Variants in PDE10A observed in about 807,000 individuals in gnomAD.
The protein encoded by PDE10A is phosphodiesterase 10A.
A neutral mutation model predicts 97.7 loss-of-function variants in PDE10A; 39 were observed. That is an observed-to-expected ratio of 0.40 (90% CI 0.31 to 0.52). The LOEUF (loss-of-function observed/expected upper bound fraction) is 0.52, where lower values mean the gene tolerates loss of function less well. PDE10A is among the 20% of genes least tolerant of loss of function. The pLI, the probability that PDE10A is intolerant of heterozygous loss-of-function variation, is 0.56. For missense variants in PDE10A, 731 were observed against 1,047.8 expected (o/e 0.70, Z 4.17); for synonymous variants, 371 against 376.8 (o/e 0.98, Z 0.18).
At chr6:165,458,447 C>G (rs74733836) in intron 3 of PDE10A, among the ~76,000 whole-genome samples, 1 of 152,026 alleles carries the variant, frequency 6.6e-6, no homozygotes, top group Admixed American at 6.6e-5. Flanking sequence ...GGAAGAGGGT[C>G]CTCAGCAGAC....
chr6:165,670,240 C>T (rs1393122429), intron 1 of PDE10A, among the ~76,000 whole-genome samples: 1 of 152,234 alleles, frequency 6.6e-6, no homozygotes, highest in East Asian at 1.9e-4. Flanking sequence ...CTTGTGTGAG[C>T]ATCTTGATGC....
rs1468015092 is a variant in PDE10A, at chr6:165,661,057, C to G, written c.865+890G>C. On this transcript the variant is annotated intron_variant, in intron 1 of 21. Transcript: ENST00000539869. The surrounding 1 kb of genome is among the most constrained non-coding windows in gnomAD (Gnocchi z 4.8). ...CGCCTGCCTGCTTCCTTCTAGCGAA[C>G]CCCTGCCTTGACTTTTCTGCTCAAT... 1.3e-5 allele frequency: 2 copies of G among 152,746 alleles called. No individual in the cohort carries two copies. The highest frequency in any genetic ancestry group is 2.9e-5 in the Non-Finnish European group (2 of 68,440). 9.5% of individuals were successfully genotyped at this position (152,746 alleles called of 1,614,324 possible). A position where few individuals can be genotyped will look rare whatever the true frequency, so the allele number is the denominator to read the frequency against.
At chr6:165,811,350 C>G (rs762438697) in intron 1 of PDE10A, among the ~76,000 whole-genome samples, 6 of 152,252 alleles carry the variant, frequency 3.9e-5, no homozygotes, top group African/African-American at 9.6e-5. Flanking sequence ...TTCCACCTTT[C>G]TTCATCAGTC....
At chr6:165,436,048 G>A (rs1033671) in intron 5 of PDE10A, among the ~76,000 whole-genome samples, 27,943 of 152,028 alleles carry the variant, frequency 0.18, 2,977 homozygotes, top group South Asian at 0.32. Context: ...TTATTTTGAC[G>A]AAATCCAAAC....
intron 18 of PDE10A, among the ~76,000 whole-genome samples, chr6:165,353,844 G>T (rs979875392): frequency 3.3e-5 from 5 of 152,126 alleles, no homozygotes; most frequent in South Asian, 2.1e-4. Context: ...ACATCATTAA[G>T]CCTGCATCCT....
intron 2 of PDE10A, among the ~76,000 whole-genome samples, chr6:165,485,451 G>C (rs1210319780): frequency 7.4e-6 from 1 of 135,090 alleles, no homozygotes; most frequent in Non-Finnish European, 1.5e-5. Context: ...CTGGGTGACA[G>C]AGTGAGACTC....
At chr6:165,510,690 A>G (rs1173168761) in intron 2 of PDE10A, among the ~76,000 whole-genome samples, 1 of 151,952 alleles carries the variant, frequency 6.6e-6, no homozygotes, top group African/African-American at 2.4e-5. Flanking sequence ...TGTATTTCTG[A>G]TTCAATCTTG....
chr6:165,384,625 TGA>T (rs1785138827), intron 17 of PDE10A, among the ~76,000 whole-genome samples: 1 of 87,418 alleles, frequency 1.1e-5, no homozygotes, highest in Non-Finnish European at 2.1e-5. Flanking sequence ...TGTGTATGTG[TGA>T]GTGAGTGTGT....
chr6:165,535,047 A>C (rs1156872417), intron 2 of PDE10A, among the ~76,000 whole-genome samples: 3 of 152,038 alleles, frequency 2.0e-5, no homozygotes, highest in African/African-American at 7.2e-5. Flanking sequence ...AAAAACATAA[A>C]GACTTTAGCA....
chr6:165,605,943 TTC>T (rs1470181683), intron 1 of PDE10A, among the ~76,000 whole-genome samples: 9 of 152,254 alleles, frequency 5.9e-5, no homozygotes, highest in Non-Finnish European at 2.9e-5. Context: ...TGGCTTGAAT[TTC>T]TGTTTCTCCC....
At chr6:165,348,347 A>G (rs975850577) in intron 18 of PDE10A, among the ~76,000 whole-genome samples, 2 of 150,612 alleles carry the variant, frequency 1.3e-5, no homozygotes, top group Non-Finnish European at 2.9e-5. Flanking sequence ...CTGATATCAT[A>G]GCTTAAAACG....
At chr6:165,767,359 G>A (rs1484095693) in intron 1 of PDE10A, among the ~76,000 whole-genome samples, 1 of 152,154 alleles carries the variant, frequency 6.6e-6, no homozygotes, top group Admixed American at 6.5e-5. Flanking sequence ...TCACAAGGTT[G>A]TGCAATCATC....
At chr6:165,510,807 T>TA (rs1781465629) in intron 2 of PDE10A, among the ~76,000 whole-genome samples, 3 of 152,198 alleles carry the variant, frequency 2.0e-5, no homozygotes, top group Admixed American at 2.0e-4. Flanking sequence ...TGCAGTTTGT[T>TA]AGTGTATAGT....
intron 2 of PDE10A, among the ~76,000 whole-genome samples, chr6:165,504,320 C>T (rs867290921): frequency 3.9e-5 from 6 of 152,070 alleles, no homozygotes; most frequent in Admixed American, 2.0e-4. Flanking sequence ...ACTATGATGT[C>T]TTTTATTAAA....
chr6:165,719,901 GATAA>G (rs368236010), intron 1 of PDE10A, among the ~76,000 whole-genome samples: 108 of 152,332 alleles, frequency 7.1e-4, no homozygotes, highest in African/African-American at 2.5e-3. Context: ...AGGCTTGAGA[GATAA>G]TTACAGGGAC....
chr6:165,338,300 C>A (rs902276252), intron 20 of PDE10A, among the ~76,000 whole-genome samples: 1 of 152,182 alleles, frequency 6.6e-6, no homozygotes, highest in Non-Finnish European at 1.5e-5. Context: ...GAGAACTTAT[C>A]AAAAACCACC....
intron 1 of PDE10A, among the ~76,000 whole-genome samples, chr6:165,605,754 A>G (rs1787177721): frequency 6.6e-6 from 1 of 152,138 alleles, no homozygotes; most frequent in Admixed American, 6.5e-5. Context: ...GTAGGTGGCC[A>G]TCGACATCTT....
chr6:165,956,950 C>A (rs747088833), intron 1 of PDE10A, among the ~76,000 whole-genome samples: 2 of 152,178 alleles, frequency 1.3e-5, no homozygotes, highest in Non-Finnish European at 2.9e-5. Flanking sequence ...GGGGCCAGCC[C>A]AGGGGTTGAT....
intron 1 of PDE10A, among the ~76,000 whole-genome samples, chr6:165,688,287 G>T (rs761324192): frequency 6.6e-6 from 1 of 152,144 alleles, no homozygotes; most frequent in East Asian, 1.9e-4. Flanking sequence ...GTCAAGAGAT[G>T]ATTGGTTTAC....
Sources: gnomAD v4.1 joint callset for allele counts (sites outside exome capture counted in the v4.1 genomes callset) on GRCh38, gnomAD v4.1.1 for gene constraint, Gnocchi (gnomAD v3.1) non-coding constraint, MANE v1.5 for transcripts, NCBI Gene and HGNC (gene_info 2026-07-23, HGNC 2026-07-21) for gene names.